NLGN1: variants seen among roughly 807,000 people sequenced by gnomAD.
The protein encoded by NLGN1 is neuroligin-1.
Under a neutral mutation model 65.5 loss-of-function variants are expected in NLGN1, and 12 were observed. That is an observed-to-expected ratio of 0.18 (90% CI 0.12 to 0.30). The LOEUF (loss-of-function observed/expected upper bound fraction) is 0.30, where lower values mean the gene tolerates loss of function less well. NLGN1 is among the 10% of genes least tolerant of loss of function. The probability of loss-of-function intolerance (pLI) is 1.00; values close to 1 mark genes in which losing one functional copy is unlikely to be tolerated. For missense variants in NLGN1, 750 were observed against 1,007.1 expected, an observed-to-expected ratio of 0.74 and a Z score of 3.46; for synonymous variants, 350 against 359.5, an observed-to-expected ratio of 0.97 and a Z score of 0.30.
Position 174,233,170 on chromosome 3 carries a change from G to A in NLGN1, c.647-42145G>A, listed in dbSNP as rs536751516. The stretch of plus-strand genomic sequence containing the variant: ...TGGGTTTATGTACCTTAAGGAAAGT[G>A]TGTATGTGCTCCAGTAAAAAAAGTT... On this transcript the variant is annotated intron_variant, in intron 4 of 6. Transcript: ENST00000457714. 1.9e-3 allele frequency among the ~76,000 whole-genome samples: 285 copies of A among 152,180 alleles called. 3 individuals are homozygous for A. Among genetic ancestry groups the A allele is most frequent in the Middle Eastern group, 3.4e-3 (1 of 294 alleles).
At chr3:173,715,271 A>G (rs1769655105) in intron 3 of NLGN1, among the ~76,000 whole-genome samples, 1 of 152,200 alleles carries the variant, frequency 6.6e-6, no homozygotes, top group Non-Finnish European at 1.5e-5. Flanking sequence ...CAGTAAGAAT[A>G]TATGTTACTC....
At chr3:174,219,319 A>T (rs1023135220) in intron 4 of NLGN1, among the ~76,000 whole-genome samples, 1 of 152,086 alleles carries the variant, frequency 6.6e-6, no homozygotes, top group African/African-American at 2.4e-5. Context: ...TCACTTGGGA[A>T]AGTTACATAA....
chr3:173,589,498 T>A (rs1748077714), intron 2 of NLGN1, among the ~76,000 whole-genome samples: 3 of 152,138 alleles, frequency 2.0e-5, no homozygotes, highest in Admixed American at 2.0e-4. Flanking sequence ...TTTGCTTGCT[T>A]ACTTTTATTT....
chr3:173,818,895 C>CTTGTTTTTTTTTTTTTTT (rs1719588044), intron 4 of NLGN1, among the ~76,000 whole-genome samples: 2 of 92,398 alleles, frequency 2.2e-5, no homozygotes, highest in African/African-American at 9.4e-5. Context: ...TTGAATAGTT[C>CTTGTTTTTTTTTTTTTTT]TTTTTTTTTT....
At chr3:173,706,063 G>A (rs766205079) in intron 3 of NLGN1, among the ~76,000 whole-genome samples, 1 of 152,128 alleles carries the variant, frequency 6.6e-6, no homozygotes, top group Non-Finnish European at 1.5e-5. Context: ...AAGTAAAAGA[G>A]AAATAATTTT....
intron 4 of NLGN1, among the ~76,000 whole-genome samples, chr3:174,007,810 G>T (rs1176403979): frequency 6.6e-6 from 1 of 152,246 alleles, no homozygotes. Flanking sequence ...ATTATACATT[G>T]TATACACACA....
chr3:174,082,331 A>G (rs1006680413), intron 4 of NLGN1, among the ~76,000 whole-genome samples: 7 of 152,120 alleles, frequency 4.6e-5, no homozygotes, highest in Non-Finnish European at 7.4e-5. Context: ...TCCTACTTAG[A>G]TCATTGGGCT....
At chr3:173,526,987 AT>A (rs1470124556) in intron 2 of NLGN1, among the ~76,000 whole-genome samples, 1 of 152,138 alleles carries the variant, frequency 6.6e-6, no homozygotes, top group Non-Finnish European at 1.5e-5. Flanking sequence ...TTCTTTATCC[AT>A]TCATCTCCTA....
At chr3:174,258,501 T>C (rs1002048490) in intron 4 of NLGN1, among the ~76,000 whole-genome samples, 1 of 152,132 alleles carries the variant, frequency 6.6e-6, no homozygotes. Context: ...ACTTACCCCA[T>C]GCAAAGGGAA....
chr3:173,532,459 T>G (rs1239160125), intron 2 of NLGN1, among the ~76,000 whole-genome samples: 1 of 152,222 alleles, frequency 6.6e-6, no homozygotes, highest in Non-Finnish European at 1.5e-5. Flanking sequence ...TCCACTAGGA[T>G]AACCCATAGT....
At chr3:173,995,049 A>G (rs1721979176) in intron 4 of NLGN1, among the ~76,000 whole-genome samples, 1 of 152,220 alleles carries the variant, frequency 6.6e-6, no homozygotes, top group African/African-American at 2.4e-5. Flanking sequence ...GTACCAAAGA[A>G]TTCATTTTTC....
intron 3 of NLGN1, among the ~76,000 whole-genome samples, chr3:173,798,223 T>C (rs940257909): frequency 2.6e-5 from 4 of 152,100 alleles, no homozygotes; most frequent in African/African-American, 9.7e-5. Flanking sequence ...TTAACTAAAA[T>C]TGGAAAGTAG....
intron 2 of NLGN1, among the ~76,000 whole-genome samples, chr3:173,498,302 G>A (rs1409675818): frequency 1.3e-5 from 2 of 151,624 alleles, no homozygotes; most frequent in Admixed American, 6.6e-5. Flanking sequence ...ACAACATGCG[G>A]TGTTGGGTTT....
At chr3:174,225,154 C>T (rs553014924) in intron 4 of NLGN1, among the ~76,000 whole-genome samples, 6 of 152,256 alleles carry the variant, frequency 3.9e-5, no homozygotes, top group South Asian at 4.1e-4. Flanking sequence ...AATATTCTCA[C>T]GAAATCCCAA....
At chr3:173,781,308 G>A (rs181804998) in intron 3 of NLGN1, among the ~76,000 whole-genome samples, 198 of 152,078 alleles carry the variant, frequency 1.3e-3, no homozygotes, top group African/African-American at 4.6e-3. Context: ...ACAGAATATG[G>A]CTAATACTTT....
At chr3:174,164,737 G>GT (rs1727188804) in intron 4 of NLGN1, among the ~76,000 whole-genome samples, 1 of 152,048 alleles carries the variant, frequency 6.6e-6, no homozygotes, top group Non-Finnish European at 1.5e-5. Flanking sequence ...TTTTGTACCA[G>GT]TACCATGCTG....
chr3:173,483,803 C>T (rs1046982685), intron 2 of NLGN1, among the ~76,000 whole-genome samples: 6 of 152,052 alleles, frequency 3.9e-5, no homozygotes, highest in Admixed American at 3.9e-4. Context: ...GGCCCACACC[C>T]CTAAGAAACA....
chr3:174,032,196 A>C (rs73042150), intron 4 of NLGN1, among the ~76,000 whole-genome samples: 180 of 152,322 alleles, frequency 1.2e-3, no homozygotes, highest in African/African-American at 4.2e-3. Context: ...AAACTAAAAA[A>C]TATGAAGACC....
chr3:173,734,501 G>A (rs778563714), intron 3 of NLGN1, among the ~76,000 whole-genome samples: 17 of 142,846 alleles, frequency 1.2e-4, no homozygotes, highest in Non-Finnish European at 2.2e-4. Flanking sequence ...GGCTCAAGTC[G>A]TTCTCCTGCC....
Sources: allele counts gnomAD v4.1 joint callset (sites outside exome capture counted in the v4.1 genomes callset), GRCh38; gene constraint gnomAD v4.1.1; transcripts MANE v1.5; gene names NCBI Gene and HGNC (gene_info 2026-07-23, HGNC 2026-07-21).